The following ZC3H14 variants were observed in gnomAD, a reference collection of about 807,000 sequenced individuals.
The protein encoded by ZC3H14 is zinc finger CCCH-type containing 14, also known as zinc finger CCCH domain-containing protein 14.
A neutral mutation model predicts 92.4 loss-of-function variants in ZC3H14; 31 were observed. The ratio of observed to expected loss-of-function variants is 0.34; its 90% confidence interval spans 0.25 to 0.45. The LOEUF (loss-of-function observed/expected upper bound fraction) is 0.45, where lower values mean the gene tolerates loss of function less well. ZC3H14 is among the 20% of genes least tolerant of loss of function. ZC3H14 has a pLI of 1.00. For missense variants in ZC3H14, 781 were observed against 897.3 expected (o/e 0.87, Z 1.66); for synonymous variants, 321 against 300.9 (o/e 1.07, Z -0.69).
At chr14:88,603,399 A>G (rs1222485144) in intron 12 of ZC3H14, among the ~76,000 whole-genome samples, 2 of 152,166 alleles carry the variant, frequency 1.3e-5, no homozygotes. Context: ...TTGCCCTTTT[A>G]TCAGCAATAG....
At chr14:88,576,944 C>A (rs2081243012) in intron 8 of ZC3H14, among the ~76,000 whole-genome samples, 1 of 152,140 alleles carries the variant, frequency 6.6e-6, no homozygotes, top group South Asian at 2.1e-4. Context: ...GCGCCCACTA[C>A]CATGCCAGGC....
intron 9 of ZC3H14, chr14:88,591,521 G>T (rs539861583): frequency 6.6e-6 from 1 of 152,302 alleles, no homozygotes; most frequent in East Asian, 1.9e-4. Context: ...CACTTTTATG[G>T]ACTCTTCAGA....
rs376617628 is a variant in ZC3H14 at position 88,563,119 on chromosome 14, G to A, written c.-15G>A. On this transcript the variant is annotated 5_prime_UTR_variant, in exon 1 of 17. Transcript: ENST00000251038. ...AAGCGCCGCGCAGTGCTGAGTTCCCGCACGCCGCAGAGCCATGGAGATCGG... is the reference window on the plus strand; with the variant it reads ...AAGCGCCGCGCAGTGCTGAGTTCCCACACGCCGCAGAGCCATGGAGATCGG... The A allele has an allele frequency of 2.5e-6, 4 of 1,587,256 alleles. No homozygotes were observed. The highest frequency in any genetic ancestry group is 1.1e-5 in the South Asian group (1 of 87,874).
Position 88,563,296 on chromosome 14 carries a change from T to TGCG in ZC3H14, c.36+130_36+132dup, listed in dbSNP as rs2079104527. On this transcript the variant is annotated intron_variant, in intron 1 of 16. Transcript: ENST00000251038. The stretch of plus-strand genomic sequence containing the variant: ...CCTCCGCTGGACGCTCCTGGCGGGC[T>TGCG]GCGGCTCCTCCTCGTCCAGGCCGCC... 122 of 1,529,818 alleles carry TGCG rather than the reference T, an allele frequency of 8.0e-5. 2 individuals carry two copies. In the South Asian group the frequency reaches 1.4e-3, roughly 17 times the overall value. The allele number at this position is 1,529,818 out of a possible 1,614,324, so 94.8% of individuals were successfully genotyped here. A position where few individuals can be genotyped will look rare whatever the true frequency, so the allele number is the denominator to read the frequency against.
In ZC3H14 at chr14:88,619,111, A is replaced by T. The variant is rs1174356080; in HGVS notation, c.*7360A>T. The T allele has an allele frequency of 5.2e-6, 1 of 191,876 alleles. No individual in the cohort carries two copies. The highest frequency in any genetic ancestry group is 1.1e-5 in the Non-Finnish European group (1 of 94,136). The allele number at this position is 191,876 out of a possible 1,614,324, so 11.9% of individuals were successfully genotyped here. A position where few individuals can be genotyped will look rare whatever the true frequency, so the allele number is the denominator to read the frequency against. The stretch of plus-strand genomic sequence containing the variant: ...CCAGGCCCAGTGGCTCACACCTATA[A>T]TCCCAGAACTTTGGGAAGCGGAGGC... On this transcript the variant is annotated 3_prime_UTR_variant, in exon 17 of 17. Coordinates refer to ENST00000251038, the MANE Select transcript of ZC3H14 (RefSeq NM_024824.5).
chr14:88,576,161 C>T (rs910134917), intron 8 of ZC3H14, among the ~76,000 whole-genome samples: 3 of 152,096 alleles, frequency 2.0e-5, no homozygotes, highest in African/African-American at 7.2e-5. Flanking sequence ...CCATATAATG[C>T]CTTTTATATC....
chr14:88,609,399 A>G lies in ZC3H14; in HGVS notation c.2001A>G (p.Lys667=). 6.2e-7 allele frequency: 1 copy of G among 1,614,016 alleles called. No individual in the cohort carries two copies. ...GAAGAATTCCAGTACTGTCTCCAAA[A>G]CCAGGTGAGTGAGTGACTGTGCTAC... ...VSRRIPVLSP[K]PAVAPPAPPS... Residue 667 remains lysine (K), a synonymous_variant, in exon 14 of 17, where the codon AAA becomes AAG. Coordinates refer to ENST00000251038, the MANE Select transcript of ZC3H14 (RefSeq NM_024824.5).
At position 88,609,247 on chromosome 14, in the gene ZC3H14, GCTTT is replaced by G; in HGVS notation, c.1869-19_1869-16del. On this transcript the variant is annotated splice_polypyrimidine_tract_variant and intron_variant, in intron 13 of 16. Coordinates refer to ENST00000251038, the MANE Select transcript of ZC3H14 (RefSeq NM_024824.5). Reference sequence around the variant, plus strand: ...ATTGAGAAGATTGAATATGAAATATGCTTTTTTTTTGTTTTGTAGAGCCTTCCCC... The same window carrying G: ...ATTGAGAAGATTGAATATGAAATATGTTTTTTGTTTTGTAGAGCCTTCCCC... 6.2e-7 allele frequency: 1 copy of G among 1,612,798 alleles called. No homozygotes were observed. Among genetic ancestry groups the G allele is most frequent in the Middle Eastern group, 1.7e-4 (1 of 6,026 alleles).
chr14:88,563,317 C>T, intron 1 of ZC3H14, 148 bp downstream of exon 1: 1 of 1,514,466 alleles, frequency 6.6e-7, no homozygotes, highest in South Asian at 1.3e-5. Flanking sequence ...CTCGTCCAGG[C>T]CGCCTCGGCC....
intron 9 of ZC3H14, among the ~76,000 whole-genome samples, chr14:88,579,450 C>A (rs2081612056): frequency 6.6e-6 from 1 of 152,142 alleles, no homozygotes; most frequent in Admixed American, 6.5e-5. Flanking sequence ...TGAGGCTGAT[C>A]TAAAAGGACT....
intron 9 of ZC3H14, chr14:88,590,904 G>A (rs1177554093): frequency 6.7e-6 from 1 of 149,388 alleles, no homozygotes; most frequent in African/African-American, 2.6e-5. Context: ...TTTTCACAGG[G>A]GCTCATTTGT....
chr14:88,590,175 G>C (rs2082943691), intron 9 of ZC3H14: 1 of 151,560 alleles, frequency 6.6e-6, no homozygotes, highest in Non-Finnish European at 1.5e-5. Flanking sequence ...GATTTGCCTT[G>C]GTTACTTGAT....
rs1025516972 is a variant in ZC3H14, at chr14:88,609,149, G to A, written c.1869-118G>A. 9 of 1,234,540 alleles carry A rather than the reference G, an allele frequency of 7.3e-6. No homozygotes were observed. The African/African-American group carries it at 1.1e-4, about 15-fold the overall frequency. The allele number at this position is 1,234,540 out of a possible 1,614,324, so 76.5% of individuals were successfully genotyped here. ...ATTTTAAAATATTCTTTTTGTTGCTGTTTTTTTTGCATTTCTCAAAACAAG... is the reference window on the plus strand; with the variant it reads ...ATTTTAAAATATTCTTTTTGTTGCTATTTTTTTTGCATTTCTCAAAACAAG... On this transcript the variant is annotated intron_variant, in intron 13 of 16. Transcript: ENST00000251038.
In ZC3H14 at chr14:88,563,100, C is replaced by T. The variant is rs376919923; in HGVS notation, c.-34C>T. 4.0e-3 allele frequency: 6,223 copies of T among 1,571,900 alleles called. 20 individuals carry two copies. Among genetic ancestry groups the T allele is most frequent in the Non-Finnish European group, 4.6e-3 (5,304 of 1,165,030 alleles). On this transcript the variant is annotated 5_prime_UTR_variant, in exon 1 of 17. Coordinates refer to ENST00000251038, the MANE Select transcript of ZC3H14 (RefSeq NM_024824.5). ...GGCAGCCTCCGGGTAAGCCAAGCGC[C>T]GCGCAGTGCTGAGTTCCCGCACGCC...
In ZC3H14 at chr14:88,616,963, T is replaced by C. The variant is rs2087721762; in HGVS notation, c.*5212T>C. ...TCAAAAAGTTTCTTGGCAATTAATC[T>C]CTAAGTACCCTATCATGTTACTTAA... On this transcript the variant is annotated 3_prime_UTR_variant, in exon 17 of 17. Transcript: ENST00000251038. 6 of 1,300,208 alleles carry C rather than the reference T, an allele frequency of 4.6e-6. No homozygotes were observed. In the Admixed American group the frequency reaches 1.2e-4, roughly 25 times the overall value. 80.5% of individuals were successfully genotyped at this position (1,300,208 alleles called of 1,614,324 possible).
chr14:88,590,611 A>G (rs929139949), intron 9 of ZC3H14: 2 of 152,216 alleles, frequency 1.3e-5, no homozygotes, highest in Admixed American at 6.5e-5. Flanking sequence ...TCACCATCAA[A>G]TACATATTTT....
chr14:88,611,888 A>C lies in ZC3H14; in HGVS notation c.*137A>C. 2.6e-6 allele frequency: 3 copies of C among 1,176,034 alleles called. No individual in the cohort carries two copies. Among genetic ancestry groups the C allele is most frequent in the Non-Finnish European group, 3.7e-6 (3 of 817,552 alleles). The allele number at this position is 1,176,034 out of a possible 1,614,324, so 72.8% of individuals were successfully genotyped here. A position where few individuals can be genotyped will look rare whatever the true frequency, so the allele number is the denominator to read the frequency against. On this transcript the variant is annotated 3_prime_UTR_variant, in exon 17 of 17. Coordinates refer to ENST00000251038, the MANE Select transcript of ZC3H14 (RefSeq NM_024824.5). Reference sequence around the variant, plus strand: ...TAATATGAAGTTTTATTGCCTATCTATCTGAAGTGTCTAATTTTTCAAGTT... The same window carrying C: ...TAATATGAAGTTTTATTGCCTATCTCTCTGAAGTGTCTAATTTTTCAAGTT...
At chr14:88,573,660 C>T (rs1198184674) in intron 6 of ZC3H14, 4 of 152,032 alleles carry the variant, frequency 2.6e-5, no homozygotes, top group African/African-American at 9.7e-5. Context: ...AAATCCTGGC[C>T]CTGTGATCCA....
chr14:88,601,928 CTA>C lies in ZC3H14; in HGVS notation c.1361_1362del (p.Tyr454Ter). ...AETLQMSQDY[Y>X]DMESMVHADT... ...TGGCCAATTTTTTTGGCTCAGATTA[CTA>C]TGACATGGAATCCATGGTCCATGCA... On this transcript the variant is annotated frameshift_variant, in exon 11 of 17. Transcript: ENST00000251038. LOFTEE classifies it high-confidence loss of function. The C allele has an allele frequency of 6.2e-7, 1 of 1,613,918 alleles. No individual in the cohort carries two copies.
Sources: allele counts gnomAD v4.1 joint callset (sites outside exome capture counted in the v4.1 genomes callset), GRCh38; gene constraint gnomAD v4.1.1; transcripts MANE v1.5; gene names NCBI Gene and HGNC (gene_info 2026-07-23, HGNC 2026-07-21).